Variants in RAI2 observed in about 807,000 individuals in gnomAD.
The protein encoded by RAI2 is retinoic acid induced 2, also known as retinoic acid-induced protein 2.
A neutral mutation model predicts 15.3 loss-of-function variants in RAI2; 5 were observed. The observed-to-expected ratio is 0.33, with a 90% CI of 0.17 to 0.69. The LOEUF (loss-of-function observed/expected upper bound fraction) is 0.69. Ranked by LOEUF, RAI2 falls within the 30% of genes least tolerant of loss-of-function variation. The pLI is 0.69. For missense variants in RAI2, 424 were observed against 424.7 expected (o/e 1.00, Z 0.01); for synonymous variants, 191 against 184.0 (o/e 1.04, Z -0.31).
intron 1 of RAI2, among the ~76,000 whole-genome samples, chrX:17,808,978 C>G (rs2067011851): frequency 1.8e-5 from 2 of 112,268 alleles, no homozygotes; most frequent in Admixed American, 1.9e-4. Context: ...ACTGGTTTTC[C>G]TCTCCCCATA....
rs756813683 is a variant in RAI2, at chrX:17,805,803, G to T, written c.-24-3769C>A. Reference sequence around the variant, plus strand: ...GTAGCCCTGGGCTTTTCTCTAGAGAGCTGCTGGCCCTGAGACAGGCTTGCC... The same window carrying T: ...GTAGCCCTGGGCTTTTCTCTAGAGATCTGCTGGCCCTGAGACAGGCTTGCC... On this transcript the variant is annotated intron_variant, in intron 1 of 1. Transcript: ENST00000451717. 3.6e-5 allele frequency among the ~76,000 whole-genome samples: 4 copies of T among 112,603 alleles called. No homozygotes were observed. In the South Asian group the frequency reaches 1.5e-3, roughly 42 times the overall value.
Position 17,801,212 on chromosome X carries a change from G to T in RAI2, c.799C>A (p.Pro267Thr). 2.5e-6 allele frequency: 3 copies of T among 1,211,202 alleles called. No individual in the cohort carries two copies. The highest frequency in any genetic ancestry group is 2.2e-6 in the Non-Finnish European group (2 of 895,124). ...GGGTGCAGGCCGAAGGAAGATGGTG[G>T]CTTGGGGAAACTGGAGCTGAACTTG... ...ESKFSSSFPK[P>T]PSSFGLHPFK... The change falls in exon 2 of 2, where the codon CCA becomes ACA. Residue 267 changes from proline to threonine, a missense_variant. Transcript: ENST00000451717.
At chrX:17,821,762 G>A (rs2067167274) in intron 1 of RAI2, among the ~76,000 whole-genome samples, 1 of 111,563 alleles carries the variant, frequency 9.0e-6, no homozygotes, top group African/African-American at 3.3e-5. Context: ...ACTTGGCCTA[G>A]GCCACGCATC....
At chrX:17,856,441 C>T (rs7053807) in intron 1 of RAI2, among the ~76,000 whole-genome samples, 1 of 112,126 alleles carries the variant, frequency 8.9e-6, no homozygotes, top group Admixed American at 9.4e-5. Context: ...CATGTGAGGG[C>T]ACAGCAAGAA....
At chrX:17,841,569 G>A (rs2067397951) in intron 1 of RAI2, among the ~76,000 whole-genome samples, 1 of 112,600 alleles carries the variant, frequency 8.9e-6, no homozygotes. Context: ...GTGTGGTCGA[G>A]ATAGGGACAA....
At chrX:17,848,721 TG>T (rs1228009989) in intron 1 of RAI2, among the ~76,000 whole-genome samples, 1 of 110,774 alleles carries the variant, frequency 9.0e-6, no homozygotes, top group Non-Finnish European at 1.9e-5. Context: ...CATGGAGGGG[TG>T]GGGGAAAACC....
At chrX:17,802,398 T>C (rs1006696496) in intron 1 of RAI2, among the ~76,000 whole-genome samples, 2 of 112,722 alleles carry the variant, frequency 1.8e-5, no homozygotes, top group Non-Finnish European at 3.7e-5. Context: ...AGTTAAGATA[T>C]GTAGAAATTT....
At position 17,853,941 on chromosome X, in the gene RAI2, C is replaced by G. The variant is rs753373467; in HGVS notation, c.-25+7157G>C. Reference sequence around the variant, plus strand: ...TCCATACAAAACCAAAATCAATACACTGTATCTTACCTAAACTGCAATTAG... The same window carrying G: ...TCCATACAAAACCAAAATCAATACAGTGTATCTTACCTAAACTGCAATTAG... On this transcript the variant is annotated intron_variant, in intron 1 of 1. Transcript: ENST00000451717. Among the ~76,000 whole-genome samples the G allele has an allele frequency of 4.2e-4, 47 of 111,300 alleles. 1 individual carries two copies. Among genetic ancestry groups the G allele is most frequent in the Admixed American group, 1.9e-4 (2 of 10,509 alleles).
intron 1 of RAI2, among the ~76,000 whole-genome samples, chrX:17,856,919 G>A (rs941792303): frequency 1.8e-5 from 2 of 111,668 alleles, no homozygotes; most frequent in Non-Finnish European, 3.8e-5. Context: ...GTGAACTCCA[G>A]AAGTACTAAC....
At chrX:17,808,612 A>G (rs1436238085) in intron 1 of RAI2, among the ~76,000 whole-genome samples, 3 of 110,218 alleles carry the variant, frequency 2.7e-5, no homozygotes, top group African/African-American at 9.9e-5. Context: ...GGCTATCAAC[A>G]CACCAAACTC....
intron 1 of RAI2, among the ~76,000 whole-genome samples, chrX:17,852,394 G>A (rs1222418041): frequency 8.9e-6 from 1 of 111,878 alleles, no homozygotes; most frequent in African/African-American, 3.3e-5. Context: ...TACCTTGGAT[G>A]GCTGCAAAAT....
At chrX:17,847,847 T>C (rs1278025430) in intron 1 of RAI2, among the ~76,000 whole-genome samples, 1 of 111,888 alleles carries the variant, frequency 8.9e-6, no homozygotes, top group East Asian at 2.8e-4. Flanking sequence ...CCTCAGCCCC[T>C]GGTGATGATG....
intron 1 of RAI2, among the ~76,000 whole-genome samples, chrX:17,821,709 C>A (rs778047772): frequency 4.5e-5 from 5 of 111,338 alleles, no homozygotes; most frequent in Non-Finnish European, 7.5e-5. Context: ...AAGACTAGTA[C>A]AACTCATTTT....
At chrX:17,833,337 T>G (rs1465518549) in intron 1 of RAI2, among the ~76,000 whole-genome samples, 2 of 110,820 alleles carry the variant, frequency 1.8e-5, no homozygotes, top group Admixed American at 9.6e-5. Context: ...GGCTGGCCAA[T>G]GTGGTGAAAC....
chrX:17,827,511 CACCCCCAAA>C (rs1245810568), intron 1 of RAI2, among the ~76,000 whole-genome samples: 1 of 112,318 alleles, frequency 8.9e-6, no homozygotes, highest in Non-Finnish European at 1.9e-5. Flanking sequence ...GCCTCACAAA[CACCCCCAAA>C]AGAGAGATGC....
chrX:17,804,997 G>A (rs2066961029), intron 1 of RAI2, among the ~76,000 whole-genome samples: 1 of 113,062 alleles, frequency 8.8e-6, no homozygotes, highest in Non-Finnish European at 1.9e-5. Context: ...ACAACTCATT[G>A]AGCATCTACC....
At chrX:17,828,998 T>A (rs2067254914) in intron 1 of RAI2, among the ~76,000 whole-genome samples, 1 of 111,545 alleles carries the variant, frequency 9.0e-6, no homozygotes, top group Non-Finnish European at 1.9e-5. Flanking sequence ...TATTCACTTA[T>A]CACCATTTAT....
chrX:17,810,020 C>T (rs1177237001), intron 1 of RAI2, among the ~76,000 whole-genome samples: 2 of 111,740 alleles, frequency 1.8e-5, no homozygotes, highest in Non-Finnish European at 3.8e-5. Context: ...AATCCTCCCA[C>T]CTCGACTTCC....
rs777884291 is a variant in RAI2 at position 17,817,036 on chromosome X, T to C, written c.-24-15002A>G. On this transcript the variant is annotated intron_variant, in intron 1 of 1. Coordinates refer to ENST00000451717, the MANE Select transcript of RAI2 (RefSeq NM_021785.6). ...GGGCCTGCATGCCTGAATCACGGCTTGCAGGGGGAAGGGCCGCCTGCCATC... is the reference window on the plus strand; with the variant it reads ...GGGCCTGCATGCCTGAATCACGGCTCGCAGGGGGAAGGGCCGCCTGCCATC... 1.2e-4 allele frequency among the ~76,000 whole-genome samples: 13 copies of C among 111,867 alleles called. No homozygotes were observed. In the East Asian group the frequency reaches 3.7e-3, roughly 32 times the overall value.
Sources: allele counts gnomAD v4.1 joint callset (sites outside exome capture counted in the v4.1 genomes callset), GRCh38; gene constraint gnomAD v4.1.1; transcripts MANE v1.5; gene names NCBI Gene and HGNC (gene_info 2026-07-23, HGNC 2026-07-21).